SIPA1L1: variants seen among roughly 807,000 people sequenced by gnomAD.
SIPA1L1 encodes signal-induced proliferation-associated 1-like protein 1.
Under a neutral mutation model 162.7 loss-of-function variants are expected in SIPA1L1, and 26 were observed. The ratio of observed to expected loss-of-function variants is 0.16; its 90% CI spans 0.12 to 0.22. SIPA1L1 has a LOEUF of 0.22. SIPA1L1 is among the 10% of genes least tolerant of loss of function. The pLI is 1.00. For synonymous variants in SIPA1L1, 829 were observed against 837.4 expected (o/e 0.99, Z 0.17); for missense variants, 1,874 against 2,241.0 (o/e 0.84, Z 3.31).
At chr14:71,662,212 A>G (rs116998747) in intron 10 of SIPA1L1, among the ~76,000 whole-genome samples, 209 of 152,370 alleles carry the variant, frequency 1.4e-3, no homozygotes, top group Non-Finnish European at 2.5e-3. Context: ...CTGCATAGAA[A>G]GTGACCTGTG....
intron 2 of SIPA1L1, among the ~76,000 whole-genome samples, chr14:71,428,392 GTTTTAT>G (rs926212964): frequency 1.1e-4 from 17 of 151,378 alleles, no homozygotes; most frequent in South Asian, 2.1e-4. Context: ...TTTTTTACTG[GTTTTAT>G]TTTTATTTTT....
chr14:71,650,445 A>G lies in SIPA1L1; in HGVS notation c.1929A>G (p.Gln643=). The change falls in exon 8 of 24, where the codon CAA becomes CAG. Residue 643 remains glutamine, a synonymous_variant. Transcript: ENST00000381232. ...GCCCAGCCTTTGAAGAATTTCTTCA[A>G]CTATTGGGAGAGCGAGTTCGGCTCA... ...SAGPAFEEFL[Q]LLGERVRLKG... 2 of 1,614,070 alleles carry G rather than the reference A, an allele frequency of 1.2e-6. No homozygotes were observed. Among genetic ancestry groups the G allele is most frequent in the South Asian group, 1.1e-5 (1 of 91,082 alleles).
In SIPA1L1 at chr14:71,730,351, G is replaced by A. The variant is rs201914639; in HGVS notation, c.4861+50G>A. ...TGGATGGCCCTGTTGATGATGGTCA[G>A]TGTCCCCAGACGTGGCTGCCACTCA... On this transcript the variant is annotated intron_variant, in intron 20 of 23. Coordinates refer to ENST00000381232, the MANE Select transcript of SIPA1L1 (RefSeq NM_001386936.1). 4,247 of 1,601,570 alleles carry A rather than the reference G, an allele frequency of 2.7e-3. 6 individuals are homozygous for A. The highest frequency in any genetic ancestry group is 3.3e-3 in the Non-Finnish European group (3,899 of 1,173,034).
At chr14:71,459,096 A>C (rs924070670) in intron 2 of SIPA1L1, among the ~76,000 whole-genome samples, 2 of 151,878 alleles carry the variant, frequency 1.3e-5, no homozygotes, top group African/African-American at 4.8e-5. Context: ...AATTCTCAGC[A>C]ATAGATGTTT....
At chr14:71,402,556 C>T (rs1441660618) in intron 2 of SIPA1L1, among the ~76,000 whole-genome samples, 1 of 152,068 alleles carries the variant, frequency 6.6e-6, no homozygotes, top group African/African-American at 2.4e-5. Context: ...ACCATATTGG[C>T]CAGGCTGGTC....
intron 2 of SIPA1L1, among the ~76,000 whole-genome samples, chr14:71,497,457 A>G (rs920942430): frequency 7.2e-5 from 11 of 152,178 alleles, no homozygotes; most frequent in Admixed American, 6.5e-4. Flanking sequence ...GTAACCCCCT[A>G]AAACTCCCTC....
intron 14 of SIPA1L1, among the ~76,000 whole-genome samples, chr14:71,701,433 T>G (rs1326713704): frequency 1.3e-5 from 2 of 151,138 alleles, no homozygotes; most frequent in Admixed American, 6.6e-5. Context: ...CCCAGGCAGG[T>G]CTTGACTCTT....
At chr14:71,640,614 A>ATTGAAAT (rs2041612764) in intron 7 of SIPA1L1, among the ~76,000 whole-genome samples, 1 of 152,114 alleles carries the variant, frequency 6.6e-6, no homozygotes, top group South Asian at 2.1e-4. Context: ...AAACAATTAT[A>ATTGAAAT]TTGAAATTCA....
At chr14:71,544,045 G>A (rs111206662) in intron 4 of SIPA1L1, among the ~76,000 whole-genome samples, 1,529 of 136,456 alleles carry the variant, frequency 0.011, 21 homozygotes, top group East Asian at 0.066. Context: ...ATATACACAC[G>A]CACGCACATG....
chr14:71,511,458 T>A lies in SIPA1L1; in HGVS notation c.-464-1285T>A, dbSNP rs952676278. ...GGCCACCATGCCTGGCTAAATTTTT[T>A]ATTTTTTTTTTGCAGAGTTGGGGTC... On this transcript the variant is annotated intron_variant, in intron 2 of 23. Coordinates refer to ENST00000381232, the MANE Select transcript of SIPA1L1 (RefSeq NM_001386936.1). Among the ~76,000 whole-genome samples, 24 of 151,968 alleles carry A rather than the reference T, an allele frequency of 1.6e-4. 1 individual carries two copies. The highest frequency in any genetic ancestry group is 1.3e-4 in the Admixed American group (2 of 15,266).
chr14:71,436,760 ATTTTTTTT>A (rs1231560483), intron 2 of SIPA1L1, among the ~76,000 whole-genome samples: 1 of 130,984 alleles, frequency 7.6e-6, no homozygotes, highest in African/African-American at 2.8e-5. Context: ...TACCTTCTGA[ATTTTTTTT>A]TTTTTTTTTT....
chr14:71,458,162 G>A (rs1244183461), intron 2 of SIPA1L1, among the ~76,000 whole-genome samples: 1 of 151,856 alleles, frequency 6.6e-6, no homozygotes, highest in Non-Finnish European at 1.5e-5. Context: ...TCTTTTGCAA[G>A]CTTCATGGTT....
Position 71,442,226 on chromosome 14 carries a change from C to T in SIPA1L1, c.-464-70517C>T, listed in dbSNP as rs374232326. On this transcript the variant is annotated intron_variant, in intron 2 of 23. Transcript: ENST00000381232. ...AAGTAACTTAAACTGTAAAATCTTG[C>T]GGGCTAATTAAAAAAATTCAGAACA... Among the ~76,000 whole-genome samples the T allele has an allele frequency of 3.5e-5, 5 of 142,124 alleles. No individual in the cohort carries two copies. The East Asian group carries it at 8.3e-4, about 24-fold the overall frequency. The allele number at this position is 142,124 out of a possible 152,430, so 93.2% of individuals were successfully genotyped here.
rs562082541 is a variant in SIPA1L1, at chr14:71,562,278, C to T, written c.-302-25293C>T. On this transcript the variant is annotated intron_variant, in intron 4 of 23. Coordinates refer to ENST00000381232, the MANE Select transcript of SIPA1L1 (RefSeq NM_001386936.1). ...ATATTTGTATCATTTCATTTTAGGA[C>T]ATAGTAAATTACCCAGTCTTTATAA... Among the ~76,000 whole-genome samples the T allele has an allele frequency of 5.9e-5, 9 of 151,878 alleles. 1 individual carries two copies. In the South Asian group the frequency reaches 1.9e-3, roughly 32 times the overall value.
chr14:71,467,432 C>T (rs1238916775), intron 2 of SIPA1L1, among the ~76,000 whole-genome samples: 1 of 152,116 alleles, frequency 6.6e-6, no homozygotes, highest in Non-Finnish European at 1.5e-5. Flanking sequence ...CTAATTTTGT[C>T]GTGCTTAATG....
chr14:71,527,807 T>C (rs1351155065), intron 3 of SIPA1L1, among the ~76,000 whole-genome samples: 1 of 152,220 alleles, frequency 6.6e-6, no homozygotes, highest in Non-Finnish European at 1.5e-5. Context: ...TTCATGTTTT[T>C]CAGTCCCTCT....
chr14:71,468,713 T>C (rs1030750465), intron 2 of SIPA1L1, among the ~76,000 whole-genome samples: 3 of 152,164 alleles, frequency 2.0e-5, no homozygotes, highest in Non-Finnish European at 2.9e-5. Flanking sequence ...CAAAGAATTA[T>C]AGCAATGTGT....
rs562764114 is a variant in SIPA1L1 at position 71,733,128 on chromosome 14, T to C, written c.4862-538T>C. On this transcript the variant is annotated intron_variant, in intron 20 of 23. Coordinates refer to ENST00000381232, the MANE Select transcript of SIPA1L1 (RefSeq NM_001386936.1). ...TGGGAGGCTGAAGCAGGAGAATTGC[T>C]TGAACCCTGGAGGCAGAGGTTGCAA... Among the ~76,000 whole-genome samples the C allele has an allele frequency of 7.2e-5, 11 of 152,306 alleles. No individual in the cohort carries two copies. The South Asian group carries it at 2.3e-3, about 32-fold the overall frequency.
intron 12 of SIPA1L1, among the ~76,000 whole-genome samples, chr14:71,674,651 G>A (rs1304963526): frequency 6.8e-6 from 1 of 147,390 alleles, no homozygotes; most frequent in Non-Finnish European, 1.5e-5. Context: ...TGCAAGCTCC[G>A]CCTCCCGGGT....
Sources: allele counts gnomAD v4.1 joint callset (sites outside exome capture counted in the v4.1 genomes callset), GRCh38; gene constraint gnomAD v4.1.1; transcripts MANE v1.5; gene names NCBI Gene and HGNC (gene_info 2026-07-23, HGNC 2026-07-21).